SNTG2: variants seen among roughly 807,000 people sequenced by gnomAD.
The protein encoded by SNTG2 is gamma-2-syntrophin.
Under a neutral mutation model 70.9 loss-of-function variants are expected in SNTG2, and 74 were observed. The ratio of observed to expected loss-of-function variants is 1.04; its 90% CI spans 0.86 to 1.27. The LOEUF is 1.27. Ranked by LOEUF, SNTG2 falls within the 50% of genes most tolerant of loss-of-function variation. SNTG2 has a pLI of 0.00. For synonymous variants in SNTG2, 278 were observed against 273.8 expected, an observed-to-expected ratio of 1.02 and a Z score of -0.15; for missense variants, 717 against 690.7, an observed-to-expected ratio of 1.04 and a Z score of -0.43.
rs748462608 is a variant in SNTG2 at position 1,165,550 on chromosome 2, G to A, written c.414G>A (p.Val138=). The change falls in exon 7 of 17, where the codon GTG becomes GTA. Residue 138 remains valine, a splice_region_variant and synonymous_variant. Transcript: ENST00000308624. The part of the protein sequence containing the change: ...HVENATHEEV[V]HLLRNAGDEV... Reference sequence around the variant, plus strand: ...AGCTATTTTTGTCATATTGACAGGTGCATCTGCTGAGAAATGCTGGCGATG... The same window carrying A: ...AGCTATTTTTGTCATATTGACAGGTACATCTGCTGAGAAATGCTGGCGATG... 3 of 1,611,534 alleles carry A rather than the reference G, an allele frequency of 1.9e-6. No individual in the cohort carries two copies. The highest frequency in any genetic ancestry group is 3.4e-5 in the Admixed American group (2 of 59,546).
At position 1,364,630 on chromosome 2, in the gene SNTG2, C is replaced by T. The variant is rs549893742; in HGVS notation, c.1489-2713C>T. On this transcript the variant is annotated intron_variant, in intron 16 of 16. Coordinates refer to ENST00000308624, the MANE Select transcript of SNTG2 (RefSeq NM_018968.4). ...AAAATTAGCCAGGCATGGTGGTGGG[C>T]GCCTGTAGTCCCAGCTACTTGGGAG... Among the ~76,000 whole-genome samples, 9 of 150,822 alleles carry T rather than the reference C, an allele frequency of 6.0e-5. No homozygotes were observed. In the South Asian group the frequency reaches 1.1e-3, roughly 18 times the overall value.
chr2:997,954 G>T (rs189160465), intron 1 of SNTG2, among the ~76,000 whole-genome samples: 1 of 152,040 alleles, frequency 6.6e-6, no homozygotes, highest in African/African-American at 2.4e-5. Context: ...TGAGACCTCC[G>T]CCACTCTGTC....
chr2:1,079,733 A>G (rs753831395), intron 1 of SNTG2, among the ~76,000 whole-genome samples: 2 of 152,200 alleles, frequency 1.3e-5, no homozygotes, highest in African/African-American at 4.8e-5. Flanking sequence ...GTTGCAGGCA[A>G]TGTCCTCACC....
intron 8 of SNTG2, among the ~76,000 whole-genome samples, chr2:1,201,551 T>C (rs542986597): frequency 1.3e-5 from 2 of 152,000 alleles, no homozygotes; most frequent in South Asian, 4.2e-4. Context: ...ATATTTCAAA[T>C]GCTATATGGC....
intron 9 of SNTG2, among the ~76,000 whole-genome samples, chr2:1,235,042 T>C (rs28719577): frequency 0.33 from 50,182 of 152,182 alleles, 10,166 homozygotes; most frequent in African/African-American, 0.58. Flanking sequence ...GCGGTGACCA[T>C]GCGTGTCCTT....
intron 14 of SNTG2, among the ~76,000 whole-genome samples, 164 bp from the exon 15 acceptor site, chr2:1,308,330 G>A (rs1227577162): frequency 6.6e-6 from 1 of 152,170 alleles, no homozygotes; most frequent in African/African-American, 2.4e-5. Context: ...AGTTGTTCCT[G>A]TGGGTCTCCC....
intron 4 of SNTG2, among the ~76,000 whole-genome samples, chr2:1,129,163 C>T (rs112441538): frequency 1.0e-3 from 153 of 152,284 alleles, no homozygotes; most frequent in African/African-American, 3.2e-3. Context: ...ATTTGCTATT[C>T]GTTCATTCAT....
chr2:1,280,965 C>G (rs1679485105), intron 14 of SNTG2, among the ~76,000 whole-genome samples: 1 of 152,218 alleles, frequency 6.6e-6, no homozygotes, highest in Admixed American at 6.5e-5. Flanking sequence ...GCTAGCTATT[C>G]AGGCTCATGG....
chr2:1,337,922 G>T (rs900669895), intron 16 of SNTG2, among the ~76,000 whole-genome samples: 73 of 152,226 alleles, frequency 4.8e-4, no homozygotes, highest in African/African-American at 1.7e-3. Context: ...TTTGCAACCG[G>T]ATATCTAATT....
chr2:1,103,380 T>C, intron 4 of SNTG2: 1 of 197,206 alleles, frequency 5.1e-6, no homozygotes, highest in South Asian at 5.2e-5. Context: ...TATAAATTTC[T>C]TTTTTTTTTT....
chr2:1,181,306 A>G (rs897398907), intron 8 of SNTG2, among the ~76,000 whole-genome samples: 3 of 152,186 alleles, frequency 2.0e-5, no homozygotes, highest in Admixed American at 1.3e-4. Flanking sequence ...ACTAGCATTG[A>G]TAGTGTCTAT....
chr2:1,225,550 G>A (rs1675714105), intron 9 of SNTG2, among the ~76,000 whole-genome samples: 1 of 152,092 alleles, frequency 6.6e-6, no homozygotes, highest in African/African-American at 2.4e-5. Flanking sequence ...GGCTTTTACT[G>A]CTTTTGTGGT....
intron 1 of SNTG2, among the ~76,000 whole-genome samples, chr2:1,014,998 T>A (rs1008929638): frequency 6.6e-6 from 1 of 152,134 alleles, no homozygotes; most frequent in Non-Finnish European, 1.5e-5. Context: ...GGGGCTGGGC[T>A]GCATGTGGCT....
intron 13 of SNTG2, among the ~76,000 whole-genome samples, chr2:1,260,104 G>A (rs1241654899): frequency 6.6e-6 from 1 of 152,212 alleles, no homozygotes; most frequent in African/African-American, 2.4e-5. Flanking sequence ...AGACAAATAG[G>A]AATATTAAGT....
intron 1 of SNTG2, among the ~76,000 whole-genome samples, chr2:1,071,925 G>A (rs1663586927): frequency 6.6e-6 from 1 of 152,210 alleles, no homozygotes; most frequent in African/African-American, 2.4e-5. Context: ...CCATAGCAAG[G>A]CCCTAACTCT....
intron 1 of SNTG2, among the ~76,000 whole-genome samples, chr2:1,014,174 T>C (rs1463589604): frequency 2.4e-4 from 1 of 4,192 alleles, no homozygotes; most frequent in Non-Finnish European, 4.4e-4. Flanking sequence ...GTAGAGGGAT[T>C]TATATGGGCA....
At chr2:1,274,454 A>G (rs765775409) in intron 14 of SNTG2, among the ~76,000 whole-genome samples, 1 of 152,254 alleles carries the variant, frequency 6.6e-6, no homozygotes, top group African/African-American at 2.4e-5. Flanking sequence ...TCTCCAAGCA[A>G]CAAGAGTACA....
chr2:1,007,876 T>C lies in SNTG2; in HGVS notation c.72+56808T>C, dbSNP rs185334407. On this transcript the variant is annotated intron_variant, in intron 1 of 16. Transcript: ENST00000308624. ...GCAACCTCCACCCCCTGCCTCAGCT[T>C]CCTGAATAGCTGGGATTACAGATGA... is the stretch of plus-strand genomic sequence containing the variant. Among the ~76,000 whole-genome samples, 213 of 152,292 alleles carry C rather than the reference T, an allele frequency of 1.4e-3. 3 individuals carry two copies. In the East Asian group the frequency reaches 0.027, roughly 19 times the overall value.
intron 1 of SNTG2, among the ~76,000 whole-genome samples, chr2:1,023,199 G>T (rs905795741): frequency 1.3e-5 from 2 of 151,750 alleles, no homozygotes; most frequent in Non-Finnish European, 2.9e-5. Context: ...ATTAGTCTGG[G>T]CCCATGTTAT....
Sources: allele counts gnomAD v4.1 joint callset (sites outside exome capture counted in the v4.1 genomes callset), GRCh38; gene constraint gnomAD v4.1.1; transcripts MANE v1.5; gene names NCBI Gene and HGNC (gene_info 2026-07-23, HGNC 2026-07-21).